Variants in ST3GAL4 observed in about 807,000 individuals in gnomAD.
The protein encoded by ST3GAL4 is ST3 beta-galactoside alpha-2,3-sialyltransferase 4, also known as CMP-N-acetylneuraminate-beta-galactosamide-alpha-2,3-sialyltransferase 4.
A neutral mutation model predicts 42.6 loss-of-function variants in ST3GAL4; 24 were observed. The ratio of observed to expected loss-of-function variants is 0.56; its 90% CI spans 0.41 to 0.79. The LOEUF (loss-of-function observed/expected upper bound fraction) is 0.79. Among genes scored for constraint, ST3GAL4 ranks in the 30% least tolerant of loss-of-function variants. The pLI is 0.00. For synonymous variants in ST3GAL4, 135 were observed against 163.2 expected (o/e 0.83, Z 1.32); for missense variants, 311 against 430.8 (o/e 0.72, Z 2.46).
At chr11:126,407,059 A>C in intron 4 of ST3GAL4, 36 bp downstream of exon 4, 1 of 1,596,466 alleles carries the variant, frequency 6.3e-7, no homozygotes, top group Non-Finnish European at 8.6e-7. Flanking sequence ...AGAGCAGGGC[A>C]TGGAGCGAGC....
At chr11:126,394,837 G>C (rs1045863085) in intron 1 of ST3GAL4, among the ~76,000 whole-genome samples, 5 of 145,102 alleles carry the variant, frequency 3.4e-5, no homozygotes, top group Admixed American at 1.4e-4. Flanking sequence ...GGATGGTGGG[G>C]GGTGGGTGGG....
chr11:126,392,664 T>C lies in ST3GAL4; in HGVS notation c.-60-13432T>C, dbSNP rs1290100991. ...TCAGTTATCTACCATGTGTCAGGCA[T>C]TAAATTTAGTGCTGGAGATACTATG... On this transcript the variant is annotated intron_variant, in intron 1 of 10. Transcript: ENST00000444328. The surrounding 1 kb of genome is among the most constrained non-coding windows in gnomAD (Gnocchi z 5.8). Among the ~76,000 whole-genome samples the C allele has an allele frequency of 6.6e-6, 1 of 152,212 alleles. No individual in the cohort carries two copies. Among genetic ancestry groups the C allele is most frequent in the East Asian group, 1.9e-4 (1 of 5,200 alleles).
rs767366935 is a variant in ST3GAL4 at position 126,396,908 on chromosome 11, T to A, written c.-60-9188T>A. Among the ~76,000 whole-genome samples, 1 of 152,046 alleles carries A rather than the reference T, an allele frequency of 6.6e-6. No homozygotes were observed. The highest frequency in any genetic ancestry group is 2.4e-5 in the African/African-American group (1 of 41,344). On this transcript the variant is annotated intron_variant, in intron 1 of 10. Coordinates refer to ENST00000444328, the MANE Select transcript of ST3GAL4 (RefSeq NM_001254757.2). The surrounding 1 kb of genome is among the most constrained non-coding windows in gnomAD (Gnocchi z 5.8). ...TTAACACTTTCACAGCCCTTAGAAG[T>A]GTCTAGCACAGTGGTCCTCAGCATT...
At chr11:126,389,361 G>C (rs1426789801) in intron 1 of ST3GAL4, among the ~76,000 whole-genome samples, 6 of 151,980 alleles carry the variant, frequency 3.9e-5, no homozygotes, top group Non-Finnish European at 8.8e-5. Flanking sequence ...ATAAAATATT[G>C]CAAGTAGAGA....
At chr11:126,405,335 A>G (rs1434602519) in intron 1 of ST3GAL4, among the ~76,000 whole-genome samples, 1 of 152,214 alleles carries the variant, frequency 6.6e-6, no homozygotes, top group Admixed American at 6.5e-5. Context: ...ACCCCTTCCC[A>G]TGCACAGTCC....
chr11:126,370,121 C>G (rs768991862), intron 1 of ST3GAL4, among the ~76,000 whole-genome samples: 5 of 152,212 alleles, frequency 3.3e-5, no homozygotes, highest in African/African-American at 4.8e-5. Flanking sequence ...ACAGACAAGT[C>G]TCTTTGCAAA....
intron 1 of ST3GAL4, among the ~76,000 whole-genome samples, chr11:126,360,614 G>T (rs1167445016): frequency 6.6e-6 from 1 of 152,132 alleles, no homozygotes; most frequent in African/African-American, 2.4e-5. Flanking sequence ...AGTAGAGACA[G>T]GGTTTCATCA....
intron 6 of ST3GAL4, among the ~76,000 whole-genome samples, 200 bp downstream of exon 6, chr11:126,407,834 G>A (rs12273885): frequency 1.3e-5 from 2 of 151,952 alleles, no homozygotes; most frequent in African/African-American, 2.4e-5. Flanking sequence ...CAGTGGGGCA[G>A]GCGTTTCTCA....
chr11:126,380,946 G>A (rs149015570), intron 1 of ST3GAL4, among the ~76,000 whole-genome samples: 52 of 152,330 alleles, frequency 3.4e-4, no homozygotes, highest in African/African-American at 1.2e-3. Flanking sequence ...GGGCTGATGC[G>A]TGCATTTCTG....
intron 1 of ST3GAL4, among the ~76,000 whole-genome samples, chr11:126,395,729 A>G (rs1226169760): frequency 6.6e-6 from 1 of 152,138 alleles, no homozygotes; most frequent in African/African-American, 2.4e-5. Flanking sequence ...GCCTGCTGCC[A>G]TGTAAGATAT....
chr11:126,385,514 G>A (rs759218954), intron 1 of ST3GAL4, among the ~76,000 whole-genome samples: 1 of 152,156 alleles, frequency 6.6e-6, no homozygotes, highest in East Asian at 1.9e-4. Context: ...ATAGAGTATA[G>A]AGATTAAAAG....
chr11:126,377,772 G>A (rs1041564552), intron 1 of ST3GAL4, among the ~76,000 whole-genome samples: 10 of 152,208 alleles, frequency 6.6e-5, no homozygotes, highest in African/African-American at 2.4e-4. Flanking sequence ...CATGCGCTCG[G>A]CCAGCAACAC....
intron 1 of ST3GAL4, among the ~76,000 whole-genome samples, chr11:126,362,256 G>A (rs1319331570): frequency 6.8e-6 from 1 of 147,780 alleles, no homozygotes; most frequent in Non-Finnish European, 1.5e-5. Context: ...GGAGTGCAGT[G>A]GCACAATCTC....
At chr11:126,399,368 G>A (rs767150542) in intron 1 of ST3GAL4, among the ~76,000 whole-genome samples, 1 of 124,190 alleles carries the variant, frequency 8.1e-6, no homozygotes, top group Non-Finnish European at 1.6e-5. Context: ...TCAGTGGCAC[G>A]ATCTCAGTTT....
In ST3GAL4 at chr11:126,359,580, G is replaced by A. The variant is rs1382740895; in HGVS notation, c.-61+3738G>A. On this transcript the variant is annotated intron_variant, in intron 1 of 10. Coordinates refer to ENST00000444328, the MANE Select transcript of ST3GAL4 (RefSeq NM_001254757.2). The surrounding 1 kb of genome is among the most constrained non-coding windows in gnomAD (Gnocchi z 4.8). ...CAAAGGCGTGAAGGGGTTTGCTCAA[G>A]GCCACAGTGTATTAGTGTCAAAGGT... is the stretch of plus-strand genomic sequence containing the variant. Among the ~76,000 whole-genome samples, 1 of 152,192 alleles carries A rather than the reference G, an allele frequency of 6.6e-6. No individual in the cohort carries two copies. The highest frequency in any genetic ancestry group is 2.4e-5 in the African/African-American group (1 of 41,450).
At chr11:126,369,495 G>T (rs1471872345) in intron 1 of ST3GAL4, among the ~76,000 whole-genome samples, 1 of 152,092 alleles carries the variant, frequency 6.6e-6, no homozygotes, top group East Asian at 1.9e-4. Flanking sequence ...TGATCCGCTC[G>T]CCTGGCCTCC....
At position 126,414,452 on chromosome 11, in the gene ST3GAL4, C is replaced by A. The variant is rs1954654138; in HGVS notation, c.*405C>A. On this transcript the variant is annotated 3_prime_UTR_variant, in exon 11 of 11. Coordinates refer to ENST00000444328, the MANE Select transcript of ST3GAL4 (RefSeq NM_001254757.2). ...ACTTACAGCGATGGCCCCACCAAGGCCTAGACACGGCACTGGCCTCCCAGG... is the reference window on the plus strand; with the variant it reads ...ACTTACAGCGATGGCCCCACCAAGGACTAGACACGGCACTGGCCTCCCAGG... 4.7e-6 allele frequency: 1 copy of A among 211,578 alleles called. No individual in the cohort carries two copies. Among genetic ancestry groups the A allele is most frequent in the Non-Finnish European group, 9.7e-6 (1 of 103,340 alleles). 13.1% of individuals were successfully genotyped at this position (211,578 alleles called of 1,614,324 possible).
intron 1 of ST3GAL4, among the ~76,000 whole-genome samples, chr11:126,369,990 T>A (rs1952583359): frequency 6.6e-6 from 1 of 152,258 alleles, no homozygotes; most frequent in South Asian, 2.1e-4. Context: ...ATTTGCATCC[T>A]ATTTTTCACA....
At chr11:126,402,579 C>T (rs765436691) in intron 1 of ST3GAL4, among the ~76,000 whole-genome samples, 2 of 152,186 alleles carry the variant, frequency 1.3e-5, no homozygotes, top group African/African-American at 2.4e-5. Context: ...ACCCCTTCCC[C>T]GGAACATTAA....
Sources: gnomAD v4.1 joint callset for allele counts (sites outside exome capture counted in the v4.1 genomes callset) on GRCh38, gnomAD v4.1.1 for gene constraint, Gnocchi (gnomAD v3.1) non-coding constraint, MANE v1.5 for transcripts, NCBI Gene and HGNC (gene_info 2026-07-23, HGNC 2026-07-21) for gene names.